The following PPP1R14C variants were observed in gnomAD, a reference collection of about 807,000 sequenced individuals.
PPP1R14C encodes protein phosphatase 1 regulatory subunit 14C.
Under a neutral mutation model 20.4 loss-of-function variants are expected in PPP1R14C, and 16 were observed. The observed-to-expected ratio is 0.78, with a 90% CI of 0.53 to 1.19. The LOEUF is 1.19. PPP1R14C is among the 50% of genes most tolerant of loss of function. The probability of loss-of-function intolerance (pLI) is 0.00; values close to 1 mark genes in which losing one functional copy is unlikely to be tolerated. For synonymous variants in PPP1R14C, 91 were observed against 91.0 expected, an observed-to-expected ratio of 1.00 and a Z score of 0.00; for missense variants, 211 against 220.1, an observed-to-expected ratio of 0.96 and a Z score of 0.26.
intron 1 of PPP1R14C, among the ~76,000 whole-genome samples, chr6:150,179,881 C>G (rs994251735): frequency 3.3e-5 from 5 of 152,070 alleles, no homozygotes; most frequent in Non-Finnish European, 7.4e-5. Context: ...TTTGGGGAAA[C>G]AGATAACAAA....
chr6:150,188,098 G>A (rs567299004), intron 1 of PPP1R14C, among the ~76,000 whole-genome samples: 1 of 152,296 alleles, frequency 6.6e-6, no homozygotes, highest in African/African-American at 2.4e-5. Context: ...AGAAAGGTCT[G>A]TTTATTATCA....
chr6:150,165,211 C>A (rs555872325), intron 1 of PPP1R14C, among the ~76,000 whole-genome samples: 1 of 152,374 alleles, frequency 6.6e-6, no homozygotes, highest in South Asian at 2.1e-4. Context: ...GTCTTGCTCA[C>A]TATACTCCAT....
chr6:150,168,318 C>T (rs189880206), intron 1 of PPP1R14C, among the ~76,000 whole-genome samples: 273 of 151,802 alleles, frequency 1.8e-3, no homozygotes, highest in African/African-American at 5.9e-3. Flanking sequence ...GGGCAGATCA[C>T]GAGCTCAGGA....
chr6:150,193,772 C>T (rs1053615817), intron 1 of PPP1R14C, among the ~76,000 whole-genome samples: 3 of 152,164 alleles, frequency 2.0e-5, no homozygotes, highest in African/African-American at 7.2e-5. Flanking sequence ...TCCCCATTTC[C>T]TTCTACCATT....
At chr6:150,188,634 C>CCA (rs980390959) in intron 1 of PPP1R14C, among the ~76,000 whole-genome samples, 1 of 146,950 alleles carries the variant, frequency 6.8e-6, no homozygotes, top group African/African-American at 2.5e-5. Context: ...CTACAGGCGC[C>CCA]CACCACCACG....
intron 3 of PPP1R14C, among the ~76,000 whole-genome samples, chr6:150,236,042 A>G (rs1562276792): frequency 6.6e-6 from 1 of 152,206 alleles, no homozygotes; most frequent in African/African-American, 2.4e-5. Flanking sequence ...TTCTCACCCC[A>G]GGCAGCATGG....
At chr6:150,165,455 A>G (rs1777412586) in intron 1 of PPP1R14C, among the ~76,000 whole-genome samples, 1 of 152,236 alleles carries the variant, frequency 6.6e-6, no homozygotes, top group African/African-American at 2.4e-5. Context: ...GTCCTTGGGG[A>G]AGGCTGGTTG....
chr6:150,214,416 T>C (rs1778064628), intron 1 of PPP1R14C, among the ~76,000 whole-genome samples: 1 of 152,178 alleles, frequency 6.6e-6, no homozygotes. Context: ...GCTTTGTGAC[T>C]CTTAATTCTC....
chr6:150,181,280 C>G (rs1023456130), intron 1 of PPP1R14C, among the ~76,000 whole-genome samples: 1 of 152,080 alleles, frequency 6.6e-6, no homozygotes. Context: ...GGGTTTAAGA[C>G]TCTCTTGCCT....
intron 3 of PPP1R14C, among the ~76,000 whole-genome samples, chr6:150,236,571 T>A (rs971106099): frequency 1.4e-5 from 2 of 146,622 alleles, no homozygotes; most frequent in Non-Finnish European, 3.0e-5. Context: ...GGAGCCAGCA[T>A]GAGGAGGAGG....
Position 150,249,761 on chromosome 6 carries a change from T to C in PPP1R14C, c.*941T>C, listed in dbSNP as rs1409700505. The stretch of plus-strand genomic sequence containing the variant: ...AAGAAAGTTAGCAGATCGAGTGTCT[T>C]CTTCCTTAGAAATAGGTTCTGGTAG... On this transcript the variant is annotated 3_prime_UTR_variant, in exon 4 of 4. Transcript: ENST00000361131. 5.1e-6 allele frequency: 2 copies of C among 389,122 alleles called. No individual in the cohort carries two copies. Among genetic ancestry groups the C allele is most frequent in the African/African-American group, 2.1e-5 (1 of 48,484 alleles). 24.1% of individuals were successfully genotyped at this position (389,122 alleles called of 1,614,324 possible). A position where few individuals can be genotyped will look rare whatever the true frequency, so the allele number is the denominator to read the frequency against.
chr6:150,184,048 C>T (rs559794041), intron 1 of PPP1R14C, among the ~76,000 whole-genome samples: 71 of 152,210 alleles, frequency 4.7e-4, no homozygotes, highest in Non-Finnish European at 7.1e-4. Flanking sequence ...GTTGTGACAA[C>T]CCCGTGAGCT....
intron 3 of PPP1R14C, among the ~76,000 whole-genome samples, chr6:150,218,676 TCTCATTC>T: frequency 6.6e-6 from 1 of 152,062 alleles, no homozygotes; most frequent in African/African-American, 2.4e-5. Flanking sequence ...AGAGACAGGG[TCTCATTC>T]TGTCACCCAG....
At chr6:150,157,674 G>A (rs1277062635) in intron 1 of PPP1R14C, among the ~76,000 whole-genome samples, 2 of 152,144 alleles carry the variant, frequency 1.3e-5, no homozygotes, top group African/African-American at 4.8e-5. Flanking sequence ...GTCATAACAT[G>A]ATGGAAGGTC....
intron 1 of PPP1R14C, among the ~76,000 whole-genome samples, chr6:150,152,119 C>CAAAAAAAAAA (rs577869928): frequency 2.4e-5 from 2 of 85,004 alleles, no homozygotes; most frequent in African/African-American, 7.4e-5. Context: ...GACTCCGTCT[C>CAAAAAAAAAA]AAAAAAAAAA....
intron 3 of PPP1R14C, among the ~76,000 whole-genome samples, chr6:150,230,607 GT>G (rs773898519): frequency 1.3e-5 from 2 of 152,200 alleles, no homozygotes; most frequent in Non-Finnish European, 2.9e-5. Context: ...AGCATCCGCA[GT>G]TCTTCTGGGC....
At chr6:150,204,569 C>T (rs780637059) in intron 1 of PPP1R14C, among the ~76,000 whole-genome samples, 6 of 152,180 alleles carry the variant, frequency 3.9e-5, no homozygotes, top group African/African-American at 1.4e-4. Context: ...GGTCCTGTCA[C>T]CATTTGTTGA....
At position 150,194,246 on chromosome 6, in the gene PPP1R14C, G is replaced by A. The variant is rs374879222; in HGVS notation, c.307-20498G>A. 3.9e-5 allele frequency among the ~76,000 whole-genome samples: 6 copies of A among 152,110 alleles called. 1 individual carries two copies. Among genetic ancestry groups the A allele is most frequent in the East Asian group, 3.9e-4 (2 of 5,182 alleles). ...GAGAACAGACTAATACAGTGGGCAT[G>A]GTTTTCTTATTTTGTTTTTTTCTCT... On this transcript the variant is annotated intron_variant, in intron 1 of 3. Transcript: ENST00000361131.
At chr6:150,175,279 G>A (rs987444421) in intron 1 of PPP1R14C, among the ~76,000 whole-genome samples, 1 of 152,128 alleles carries the variant, frequency 6.6e-6, no homozygotes, top group Non-Finnish European at 1.5e-5. Context: ...GAGAGCCGTG[G>A]AGAAGGTGGT....
Sources: gnomAD v4.1 joint callset for allele counts (sites outside exome capture counted in the v4.1 genomes callset) on GRCh38, gnomAD v4.1.1 for gene constraint, MANE v1.5 for transcripts, NCBI Gene and HGNC (gene_info 2026-07-23, HGNC 2026-07-21) for gene names.